Variants in INSYN2B observed in about 807,000 individuals in gnomAD.
INSYN2B encodes protein INSYN2B.
A neutral mutation model predicts 41.2 loss-of-function variants in INSYN2B; 16 were observed. That is an observed-to-expected ratio of 0.39 (90% CI 0.26 to 0.59). The LOEUF is 0.59. INSYN2B is among the 20% of genes least tolerant of loss of function. INSYN2B has a pLI of 0.57. For missense variants in INSYN2B, 608 were observed against 646.4 expected (o/e 0.94, Z 0.64); for synonymous variants, 245 against 244.4 (o/e 1.00, Z -0.02).
chr5:169,877,270 C>T (rs1385411737), intron 3 of INSYN2B, among the ~76,000 whole-genome samples: 1 of 152,164 alleles, frequency 6.6e-6, no homozygotes, highest in Non-Finnish European at 1.5e-5. Context: ...GGGGGAGTGA[C>T]ATGGTCAGAT....
At chr5:169,913,535 A>G (rs1774718032) in intron 1 of INSYN2B, among the ~76,000 whole-genome samples, 1 of 152,228 alleles carries the variant, frequency 6.6e-6, no homozygotes, top group Admixed American at 6.5e-5. Flanking sequence ...TGCATTACTC[A>G]AAAGGAGCTC....
intron 1 of INSYN2B, among the ~76,000 whole-genome samples, chr5:169,937,741 C>A (rs947780012): frequency 6.6e-6 from 1 of 152,218 alleles, no homozygotes; most frequent in Admixed American, 6.5e-5. Context: ...TAACTGCTCT[C>A]CTGGCTGGCA....
At chr5:169,923,469 G>T (rs994851448) in intron 1 of INSYN2B, among the ~76,000 whole-genome samples, 1 of 140,592 alleles carries the variant, frequency 7.1e-6, no homozygotes, top group Non-Finnish European at 1.5e-5. Context: ...ATGCGTGCGT[G>T]TGCATGCACG....
intron 1 of INSYN2B, among the ~76,000 whole-genome samples, chr5:169,925,578 T>TAAAAAAAAAAAAAAAAAAAAAAAAA (rs1561828965): frequency 3.1e-5 from 1 of 32,324 alleles, no homozygotes; most frequent in African/African-American, 1.3e-4. Flanking sequence ...AGACTCTGTC[T>TAAAAAAAAAAAAAAAAAAAAAAAAA]TAAAAAAAAA....
At chr5:169,893,875 C>CA (rs1773439643) in intron 1 of INSYN2B, among the ~76,000 whole-genome samples, 1 of 152,160 alleles carries the variant, frequency 6.6e-6, no homozygotes, top group Admixed American at 6.5e-5. Context: ...AATCGTTTTC[C>CA]ATCTCAGCAT....
chr5:169,962,811 G>A (rs895354674), intron 1 of INSYN2B, among the ~76,000 whole-genome samples: 3 of 152,174 alleles, frequency 2.0e-5, no homozygotes, highest in Admixed American at 6.5e-5. Context: ...CAAGGTAGAC[G>A]TCAAAATAAG....
At chr5:169,868,189 C>T (rs1771719683) in intron 3 of INSYN2B, among the ~76,000 whole-genome samples, 1 of 152,172 alleles carries the variant, frequency 6.6e-6, no homozygotes, top group Non-Finnish European at 1.5e-5. Flanking sequence ...AGGAACACAA[C>T]AGTAAGTTAG....
chr5:169,892,066 C>T (rs148782415), intron 1 of INSYN2B, among the ~76,000 whole-genome samples: 1 of 151,296 alleles, frequency 6.6e-6, no homozygotes, highest in African/African-American at 2.4e-5. Context: ...AAACTTTAGA[C>T]CTTGGGGAGA....
intron 1 of INSYN2B, among the ~76,000 whole-genome samples, chr5:169,936,829 C>T (rs909753675): frequency 6.6e-6 from 1 of 152,088 alleles, no homozygotes; most frequent in Non-Finnish European, 1.5e-5. Flanking sequence ...TGACAAAACT[C>T]AATTTAAATA....
chr5:169,885,156 T>A (rs547543725), intron 1 of INSYN2B, among the ~76,000 whole-genome samples: 2 of 152,216 alleles, frequency 1.3e-5, no homozygotes, highest in East Asian at 3.9e-4. Flanking sequence ...TCAGGACCCA[T>A]TGTACATCCT....
At chr5:169,965,226 T>C (rs980720653) in intron 1 of INSYN2B, among the ~76,000 whole-genome samples, 1 of 152,216 alleles carries the variant, frequency 6.6e-6, no homozygotes, top group Non-Finnish European at 1.5e-5. Flanking sequence ...TAAATTTCCA[T>C]GGGCCTAATA....
chr5:169,971,389 AT>A (rs1296252222), intron 1 of INSYN2B, among the ~76,000 whole-genome samples: 1 of 149,794 alleles, frequency 6.7e-6, no homozygotes, highest in African/African-American at 2.5e-5. Flanking sequence ...AGCCCTAGGA[AT>A]GGACTTCCAC....
chr5:169,948,681 A>G (rs1259505717), intron 1 of INSYN2B, among the ~76,000 whole-genome samples: 3 of 143,844 alleles, frequency 2.1e-5, no homozygotes, highest in Non-Finnish European at 3.0e-5. Context: ...TGGTGTGATT[A>G]TGGCTCACTG....
At chr5:169,898,528 AAAC>A (rs36216194) in intron 1 of INSYN2B, among the ~76,000 whole-genome samples, 10,546 of 151,152 alleles carry the variant, frequency 0.07, 385 homozygotes, top group African/African-American at 0.081. Flanking sequence ...CACACACACA[AAAC>A]AACAACAACA....
intron 3 of INSYN2B, among the ~76,000 whole-genome samples, chr5:169,879,892 G>A (rs888833165): frequency 2.6e-5 from 4 of 152,096 alleles, no homozygotes; most frequent in Non-Finnish European, 5.9e-5. Flanking sequence ...ATCATTTTAA[G>A]GTAACAGAAA....
intron 1 of INSYN2B, among the ~76,000 whole-genome samples, chr5:169,942,352 T>A (rs1776275628): frequency 6.6e-6 from 1 of 152,158 alleles, no homozygotes; most frequent in African/African-American, 2.4e-5. Flanking sequence ...AGAGGGAGAC[T>A]GGGTAGGAGG....
At chr5:169,971,428 CTTTT>C (rs34124700) in intron 1 of INSYN2B, among the ~76,000 whole-genome samples, 314 of 135,180 alleles carry the variant, frequency 2.3e-3, no homozygotes, top group African/African-American at 6.2e-3. Context: ...CTCCTAGAGC[CTTTT>C]TTTTTTTTTT....
At position 169,883,691 on chromosome 5, in the gene INSYN2B, C is replaced by T. The variant is rs1286576741; in HGVS notation, c.208G>A (p.Ala70Thr). 1 of 1,551,130 alleles carries T rather than the reference C, an allele frequency of 6.4e-7. No individual in the cohort carries two copies. The highest frequency in any genetic ancestry group is 2.4e-5 in the East Asian group (1 of 40,912). ...GTGGGGGGAAGATGGTGCCTGGTTG[C>T]TTGAGTCTTCCCCATCACAGCCGGG... ...EDPAVMGKTQATRHHLPPTYS... is the reference protein window; with the variant it reads ...EDPAVMGKTQTTRHHLPPTYS... Residue 70 changes from alanine (A) to threonine (T), a missense_variant, in exon 2 of 4, where the codon GCA becomes ACA. Physicochemically the swap from Ala to Thr is moderately conservative, Grantham distance 58. Coordinates refer to ENST00000377365, the MANE Select transcript of INSYN2B (RefSeq NM_001129891.3).
rs550065696 is a variant in INSYN2B at position 169,870,756 on chromosome 5, C to T, written c.1422-6297G>A. Among the ~76,000 whole-genome samples, 80 of 151,998 alleles carry T rather than the reference C, an allele frequency of 5.3e-4. 1 individual carries two copies. Among genetic ancestry groups the T allele is most frequent in the African/African-American group, 1.9e-3 (78 of 41,474 alleles). ...GTTTTTATTTTATCCTCATGATAGCCCAGGAAGATAGGAAGGTTGTTGCCC... is the reference window on the plus strand; with the variant it reads ...GTTTTTATTTTATCCTCATGATAGCTCAGGAAGATAGGAAGGTTGTTGCCC... On this transcript the variant is annotated intron_variant, in intron 3 of 3. Transcript: ENST00000377365.
Sources: allele counts gnomAD v4.1 joint callset (sites outside exome capture counted in the v4.1 genomes callset), GRCh38; gene constraint gnomAD v4.1.1; transcripts MANE v1.5; gene names NCBI Gene and HGNC (gene_info 2026-07-23, HGNC 2026-07-21).